Variants in RAPGEF2 observed in about 807,000 individuals in gnomAD.
The protein encoded by RAPGEF2 is Rap guanine nucleotide exchange factor 2.
In RAPGEF2, 54 loss-of-function variants were observed where a neutral mutation model predicts 186.7. That is an observed-to-expected ratio of 0.29 (90% confidence interval 0.23 to 0.36). The LOEUF (loss-of-function observed/expected upper bound fraction) is 0.36. Among genes scored for constraint, RAPGEF2 ranks in the 10% least tolerant of loss-of-function variants. The pLI is 1.00. For synonymous variants in RAPGEF2, 712 were observed against 705.9 expected (o/e 1.01, Z -0.14); for missense variants, 1,532 against 2,045.0 (o/e 0.75, Z 4.84).
intron 1 of RAPGEF2, among the ~76,000 whole-genome samples, chr4:159,133,426 T>C (rs1044271028): frequency 6.6e-6 from 1 of 152,100 alleles, no homozygotes; most frequent in Non-Finnish European, 1.5e-5. Flanking sequence ...TGAATTTTTT[T>C]TTTTTTTCAG....
intron 1 of RAPGEF2, among the ~76,000 whole-genome samples, chr4:159,124,413 C>CCT (rs1289198661): frequency 9.9e-5 from 15 of 151,950 alleles, no homozygotes; most frequent in Non-Finnish European, 1.5e-4. Context: ...GTGGCACGCG[C>CCT]CTGTAGTCCC....
intron 11 of RAPGEF2, chr4:159,329,363 A>C (rs1561289332): frequency 6.6e-6 from 1 of 152,386 alleles, no homozygotes; most frequent in Non-Finnish European, 1.5e-5. Flanking sequence ...CAAGCTTTCT[A>C]AAATGGTGTT....
At chr4:159,306,141 A>ATT (rs35900124) in intron 8 of RAPGEF2, among the ~76,000 whole-genome samples, 6 of 150,032 alleles carry the variant, frequency 4.0e-5, no homozygotes, top group Non-Finnish European at 7.4e-5. Context: ...GAACTTTAGG[A>ATT]TTTTTTTTTT....
intron 7 of RAPGEF2, among the ~76,000 whole-genome samples, chr4:159,303,638 G>GT (rs1218999257): frequency 8.2e-5 from 12 of 147,128 alleles, no homozygotes; most frequent in African/African-American, 3.3e-4. Flanking sequence ...TCAAATAAGC[G>GT]GTTTTTTTTT....
intron 9 of RAPGEF2, 83 bp downstream of exon 9, chr4:159,314,851 T>A: frequency 8.0e-7 from 1 of 1,246,298 alleles, no homozygotes; most frequent in Non-Finnish European, 1.1e-6. Context: ...AGCCCAAGAC[T>A]AGTAGGCTTT....
chr4:159,104,489 C>A (rs868111443), intron 1 of RAPGEF2, among the ~76,000 whole-genome samples: 1 of 88,766 alleles, frequency 1.1e-5, no homozygotes, highest in Non-Finnish European at 2.1e-5. Context: ...GTTGCCCAGC[C>A]GAGAGAGAGA....
chr4:159,125,034 TA>T lies in RAPGEF2; in HGVS notation c.69+20804del, dbSNP rs146492772. Among the ~76,000 whole-genome samples, 1,276 of 151,552 alleles carry T rather than the reference TA, an allele frequency of 8.4e-3. 20 individuals carry two copies. The highest frequency in any genetic ancestry group is 0.029 in the African/African-American group (1,212 of 41,298). On this transcript the variant is annotated intron_variant, in intron 1 of 29. Transcript: ENST00000691494. ...TCTGTAGTCTTTGCCTAGGTTTTTC[TA>T]TTTTTTTTTTTTAGAAATAAAAGTT...
In RAPGEF2 at chr4:159,222,011, A is replaced by G. The variant is rs762209422; in HGVS notation, c.281+11428A>G. Among the ~76,000 whole-genome samples the G allele has an allele frequency of 1.3e-5, 2 of 152,236 alleles. 1 individual carries two copies. The highest frequency in any genetic ancestry group is 4.1e-4 in the South Asian group (2 of 4,836). On this transcript the variant is annotated intron_variant, in intron 4 of 29. Transcript: ENST00000691494. ...AATATGTAAATAGTCACAGTGGTAT[A>G]TATTAAAATATTCCCCCTTCGGATA...
In RAPGEF2 at chr4:159,110,724, A is replaced by T. The variant is rs538351995; in HGVS notation, c.69+6493A>T. ...AGCAGGCAAAAATGAACTTATTTAT[A>T]TAAAAACTCAAAATTGACTTGTGAC... On this transcript the variant is annotated intron_variant, in intron 1 of 29. Transcript: ENST00000691494. Among the ~76,000 whole-genome samples the T allele has an allele frequency of 4.4e-4, 67 of 152,384 alleles. No individual in the cohort carries two copies. In the East Asian group the frequency reaches 0.011, roughly 25 times the overall value.
intron 1 of RAPGEF2, among the ~76,000 whole-genome samples, chr4:159,143,896 G>A (rs548749979): frequency 6.6e-6 from 1 of 152,350 alleles, no homozygotes; most frequent in African/African-American, 2.4e-5. Context: ...GTCATGTGGG[G>A]CTGTGAGAAC....
Position 159,358,874 on chromosome 4 carries a change from C to G in RAPGEF2, c.*735C>G, listed in dbSNP as rs1039747014. The G allele has an allele frequency of 4.6e-5, 7 of 152,208 alleles. No homozygotes were observed. The highest frequency in any genetic ancestry group is 1.7e-4 in the African/African-American group (7 of 41,446). 9.4% of individuals were successfully genotyped at this position (152,208 alleles called of 1,614,324 possible). A position where few individuals can be genotyped will look rare whatever the true frequency, so the allele number is the denominator to read the frequency against. ...GCTTCCCATGTCCTTCTGGTCTCAC[C>G]CGCGAAGTGCCCTATCCTGGAAGTA... On this transcript the variant is annotated 3_prime_UTR_variant, in exon 30 of 30. Coordinates refer to ENST00000691494, the MANE Select transcript of RAPGEF2 (RefSeq NM_001394067.2).
At chr4:159,152,019 G>A (rs911207467) in intron 1 of RAPGEF2, among the ~76,000 whole-genome samples, 1 of 152,098 alleles carries the variant, frequency 6.6e-6, no homozygotes, top group African/African-American at 2.4e-5. Flanking sequence ...GTAAGGTTTT[G>A]TACTATTTAA....
chr4:159,156,244 A>T (rs899802001), intron 1 of RAPGEF2, among the ~76,000 whole-genome samples: 3 of 152,338 alleles, frequency 2.0e-5, no homozygotes, highest in Admixed American at 6.5e-5. Context: ...AAATCTTTTG[A>T]AAGTGTCATT....
At chr4:159,104,526 G>GAGAGAGAGAGAGAGAGAGA (rs756718888) in intron 1 of RAPGEF2, among the ~76,000 whole-genome samples, 1 of 111,984 alleles carries the variant, frequency 8.9e-6, no homozygotes, top group Non-Finnish European at 1.8e-5. Flanking sequence ...GAGAGAGAGA[G>GAGAGAGAGAGAGAGAGAGA]GGAGAGACAG....
At chr4:159,240,612 C>T (rs1753863010) in intron 5 of RAPGEF2, among the ~76,000 whole-genome samples, 1 of 151,850 alleles carries the variant, frequency 6.6e-6, no homozygotes. Context: ...GGATTACAGG[C>T]GTGAGCAACT....
chr4:159,296,705 C>G (rs1244523176), intron 7 of RAPGEF2, among the ~76,000 whole-genome samples: 1 of 152,178 alleles, frequency 6.6e-6, no homozygotes, highest in East Asian at 1.9e-4. Context: ...CACATAGTAA[C>G]TGGTGTACAG....
At chr4:159,105,085 T>G (rs995374659) in intron 1 of RAPGEF2, among the ~76,000 whole-genome samples, 2 of 152,212 alleles carry the variant, frequency 1.3e-5, no homozygotes, top group African/African-American at 4.8e-5. Flanking sequence ...CTGATAGGGT[T>G]GGATTTGGTT....
At chr4:159,307,368 CT>C (rs1561251984) in intron 8 of RAPGEF2, among the ~76,000 whole-genome samples, 4 of 152,070 alleles carry the variant, frequency 2.6e-5, no homozygotes, top group South Asian at 2.1e-4. Flanking sequence ...TAGTTATATA[CT>C]TTTCTCAGTT....
At chr4:159,240,429 G>A (rs937007841) in intron 5 of RAPGEF2, among the ~76,000 whole-genome samples, 8 of 137,282 alleles carry the variant, frequency 5.8e-5, no homozygotes, top group African/African-American at 2.2e-4. Context: ...CACCTCCTGG[G>A]TTCAAGCAAT....
Sources: allele counts gnomAD v4.1 joint callset (sites outside exome capture counted in the v4.1 genomes callset), GRCh38; gene constraint gnomAD v4.1.1; transcripts MANE v1.5; gene names NCBI Gene and HGNC (gene_info 2026-07-23, HGNC 2026-07-21).